The following EPHA6 variants were observed in gnomAD, a reference collection of about 807,000 sequenced individuals.
EPHA6 encodes EPH receptor A6.
A neutral mutation model predicts 112.0 loss-of-function variants in EPHA6; 50 were observed. The observed-to-expected ratio is 0.45, with a 90% CI of 0.36 to 0.56. EPHA6 has a LOEUF of 0.56. Among genes scored for constraint, EPHA6 ranks in the 20% least tolerant of loss-of-function variants. The probability of loss-of-function intolerance (pLI) is 0.00; values close to 1 mark genes in which losing one functional copy is unlikely to be tolerated. For synonymous variants in EPHA6, 529 were observed against 490.7 expected, an observed-to-expected ratio of 1.08 and a Z score of -1.03; for missense variants, 1,280 against 1,417.4, an observed-to-expected ratio of 0.90 and a Z score of 1.56.
chr3:97,595,449 G>C (rs531955031), intron 12 of EPHA6, among the ~76,000 whole-genome samples: 6 of 152,220 alleles, frequency 3.9e-5, no homozygotes, highest in African/African-American at 1.4e-4. Context: ...TTAGAGACCA[G>C]CCTGGCCAAC....
At chr3:96,914,361 A>C (rs1006968415) in intron 2 of EPHA6, among the ~76,000 whole-genome samples, 24 of 152,308 alleles carry the variant, frequency 1.6e-4, no homozygotes, top group African/African-American at 4.8e-4. Context: ...TAAGTAAAAA[A>C]TATGATTTTA....
chr3:96,897,090 G>A (rs1230015627), intron 2 of EPHA6, among the ~76,000 whole-genome samples: 2 of 151,914 alleles, frequency 1.3e-5, no homozygotes, highest in African/African-American at 4.8e-5. Context: ...CTTTAACAAA[G>A]TGTTTGTACA....
intron 14 of EPHA6, among the ~76,000 whole-genome samples, chr3:97,701,675 G>A (rs539021831): frequency 4.0e-5 from 6 of 151,216 alleles, no homozygotes; most frequent in African/African-American, 1.5e-4. Flanking sequence ...AGTACTATTT[G>A]CATTTGTCTG....
chr3:97,256,135 A>C (rs1261754815), intron 5 of EPHA6, among the ~76,000 whole-genome samples: 2 of 151,910 alleles, frequency 1.3e-5, no homozygotes, highest in Non-Finnish European at 2.9e-5. Flanking sequence ...GCAATCTAGA[A>C]CTGAATGTCA....
At chr3:97,209,226 A>C (rs1456701961) in intron 3 of EPHA6, among the ~76,000 whole-genome samples, 1 of 152,168 alleles carries the variant, frequency 6.6e-6, no homozygotes, top group Non-Finnish European at 1.5e-5. Context: ...ATGAGGATGC[A>C]TATGATAATT....
rs564858536 is a variant in EPHA6, at chr3:97,054,982, A to G, written c.1114+66989A>G. Among the ~76,000 whole-genome samples, 4 of 152,164 alleles carry G rather than the reference A, an allele frequency of 2.6e-5. No homozygotes were observed. The East Asian group carries it at 5.8e-4, about 22-fold the overall frequency. On this transcript the variant is annotated intron_variant, in intron 3 of 17. Transcript: ENST00000389672. ...TTCCCCCCTTTGGGAAATAATGAAG[A>G]TGATTCTGCTTAGCTGTGTAGACTC... is the stretch of plus-strand genomic sequence containing the variant.
intron 3 of EPHA6, among the ~76,000 whole-genome samples, chr3:97,090,902 A>C (rs1445319404): frequency 6.6e-6 from 1 of 152,164 alleles, no homozygotes; most frequent in East Asian, 1.9e-4. Context: ...CTTTAGAACC[A>C]AGAAAAATTT....
chr3:97,623,213 C>A (rs1316909678), intron 13 of EPHA6, among the ~76,000 whole-genome samples: 2 of 151,698 alleles, frequency 1.3e-5, no homozygotes, highest in Non-Finnish European at 2.9e-5. Context: ...ACTGTGTTTT[C>A]TTCTAAGAGT....
At chr3:97,221,655 T>A (rs1293065382) in intron 3 of EPHA6, among the ~76,000 whole-genome samples, 1 of 152,200 alleles carries the variant, frequency 6.6e-6, no homozygotes, top group East Asian at 1.9e-4. Context: ...ATTGAATAGA[T>A]ACACAGAATA....
chr3:96,958,741 T>C (rs2041853933), intron 2 of EPHA6, among the ~76,000 whole-genome samples: 1 of 152,202 alleles, frequency 6.6e-6, no homozygotes, highest in South Asian at 2.1e-4. Context: ...ATGTGGTCTT[T>C]TGAGTCTGGC....
intron 13 of EPHA6, among the ~76,000 whole-genome samples, chr3:97,619,809 A>C (rs982420065): frequency 1.3e-5 from 2 of 152,176 alleles, no homozygotes; most frequent in Non-Finnish European, 2.9e-5. Flanking sequence ...TATGGATAGG[A>C]AGAATCAATA....
intron 5 of EPHA6, among the ~76,000 whole-genome samples, chr3:97,250,700 C>A (rs2079110959): frequency 6.6e-6 from 1 of 152,052 alleles, no homozygotes; most frequent in South Asian, 2.1e-4. Context: ...AAATGTCTAA[C>A]AAACTGGCAC....
At chr3:97,351,470 T>A (rs1350391978) in intron 5 of EPHA6, among the ~76,000 whole-genome samples, 1 of 152,236 alleles carries the variant, frequency 6.6e-6, no homozygotes, top group Non-Finnish European at 1.5e-5. Context: ...ATATTTCAAC[T>A]TTTGTCAATT....
At chr3:96,921,431 A>G (rs1274336889) in intron 2 of EPHA6, among the ~76,000 whole-genome samples, 1 of 152,158 alleles carries the variant, frequency 6.6e-6, no homozygotes, top group African/African-American at 2.4e-5. Context: ...CTTTTCTCCT[A>G]AAGTGTGTTG....
rs1417290878 is a variant in EPHA6 at position 97,758,979 on chromosome 3, G to A, written c.*10278G>A. Among the ~76,000 whole-genome samples, 1 of 151,954 alleles carries A rather than the reference G, an allele frequency of 6.6e-6. No homozygotes were observed. The highest frequency in any genetic ancestry group is 2.4e-5 in the African/African-American group (1 of 41,420). On this transcript the variant is annotated 3_prime_UTR_variant, in exon 18 of 18. Transcript: ENST00000389672. ...GATTCACTACTTCAAGATTTGGAAG[G>A]CATCAGTATATATATGCTATTTAAA... is the stretch of plus-strand genomic sequence containing the variant.
chr3:96,889,197 G>A (rs567084213), intron 2 of EPHA6, among the ~76,000 whole-genome samples: 7 of 152,116 alleles, frequency 4.6e-5, no homozygotes, highest in Non-Finnish European at 4.4e-5. Context: ...TCTCTAGGAA[G>A]TTCCAAAGTT....
At chr3:97,162,197 C>A (rs1405802647) in intron 3 of EPHA6, among the ~76,000 whole-genome samples, 2 of 152,192 alleles carry the variant, frequency 1.3e-5, no homozygotes, top group Middle Eastern at 3.2e-3. Context: ...ATTCCTCCAT[C>A]TTTCAAGTTC....
chr3:97,668,814 G>T (rs906018406), intron 14 of EPHA6, among the ~76,000 whole-genome samples: 6 of 148,304 alleles, frequency 4.0e-5, no homozygotes, highest in Non-Finnish European at 8.9e-5. Context: ...TCGGGAGGCT[G>T]AGGCAGGAGA....
chr3:96,941,041 T>C (rs569163263), intron 2 of EPHA6, among the ~76,000 whole-genome samples: 3,509 of 152,262 alleles, frequency 0.023, 139 homozygotes, highest in African/African-American at 0.08. Flanking sequence ...ATTTTTTCCT[T>C]CATTTCAACT....
Sources: gnomAD v4.1 joint callset for allele counts (sites outside exome capture counted in the v4.1 genomes callset) on GRCh38, gnomAD v4.1.1 for gene constraint, MANE v1.5 for transcripts, NCBI Gene and HGNC (gene_info 2026-07-23, HGNC 2026-07-21) for gene names.